Variants in ADCY1 observed in about 807,000 individuals in gnomAD.
ADCY1 encodes adenylate cyclase 1.
A neutral mutation model predicts 105.4 loss-of-function variants in ADCY1; 28 were observed. The observed-to-expected ratio is 0.27, with a 90% CI of 0.20 to 0.36. The LOEUF is 0.36. Among genes scored for constraint, ADCY1 ranks in the 10% least tolerant of loss-of-function variants. The pLI, the probability that ADCY1 is intolerant of heterozygous loss-of-function variation, is 1.00. For missense variants in ADCY1, 977 were observed against 1,434.2 expected, an observed-to-expected ratio of 0.68 and a Z score of 5.15; for synonymous variants, 655 against 623.8, an observed-to-expected ratio of 1.05 and a Z score of -0.75.
In ADCY1 at chr7:45,647,102, G is replaced by T. The variant is rs576051116; in HGVS notation, c.1021-1568G>T. ...AGCGCCCCCTCCTCTGATGCTGGGC[G>T]GTGGCCAGGGCCATCTCTCAAGGTC... On this transcript the variant is annotated intron_variant, in intron 4 of 19. Coordinates refer to ENST00000297323, the MANE Select transcript of ADCY1 (RefSeq NM_021116.4). This position sits in a 1 kb window ranked among gnomAD's most constrained non-coding sequence, Gnocchi z 4.6. 6.6e-6 allele frequency among the ~76,000 whole-genome samples: 1 copy of T among 152,222 alleles called. No homozygotes were observed. The highest frequency in any genetic ancestry group is 2.4e-5 in the African/African-American group (1 of 41,450).
chr7:45,614,994 A>G (rs1793699044), intron 3 of ADCY1, among the ~76,000 whole-genome samples: 1 of 152,228 alleles, frequency 6.6e-6, no homozygotes, highest in Non-Finnish European at 1.5e-5. Flanking sequence ...AAAAGAAAGC[A>G]GAGGATTTTA....
Position 45,624,310 on chromosome 7 carries a change from G to C in ADCY1, c.1020+1567G>C, listed in dbSNP as rs552385076. Among the ~76,000 whole-genome samples the C allele has an allele frequency of 1.1e-3, 166 of 151,276 alleles. 3 individuals carry two copies. In the South Asian group the frequency reaches 0.034, roughly 31 times the overall value. ...GGAGAAAACTTGGGAGCCTGTTGCAGACACCTGGTTAGGGAGAGAGGTTAA... is the reference window on the plus strand; with the variant it reads ...GGAGAAAACTTGGGAGCCTGTTGCACACACCTGGTTAGGGAGAGAGGTTAA... On this transcript the variant is annotated intron_variant, in intron 4 of 19. Coordinates refer to ENST00000297323, the MANE Select transcript of ADCY1 (RefSeq NM_021116.4).
intron 3 of ADCY1, among the ~76,000 whole-genome samples, chr7:45,615,683 T>C (rs1379356205): frequency 1.3e-5 from 2 of 152,042 alleles, no homozygotes; most frequent in Admixed American, 1.3e-4. Context: ...CCCAAACTTA[T>C]GGGATGGAAC....
At chr7:45,614,862 G>C (rs958787544) in intron 3 of ADCY1, among the ~76,000 whole-genome samples, 8 of 152,142 alleles carry the variant, frequency 5.3e-5, no homozygotes, top group Non-Finnish European at 4.4e-5. Flanking sequence ...CAGCATAAAA[G>C]CACCTAAGTA....
chr7:45,654,925 C>T (rs79158086), intron 5 of ADCY1, among the ~76,000 whole-genome samples: 1,884 of 152,124 alleles, frequency 0.012, 42 homozygotes, highest in African/African-American at 0.042. Flanking sequence ...CCACCTGAGG[C>T]TGAAACCATT....
chr7:45,657,683 A>T (rs1343205508), intron 5 of ADCY1, 44 bp from the exon 6 acceptor site: 1 of 1,585,356 alleles, frequency 6.3e-7, no homozygotes, highest in East Asian at 2.3e-5. Context: ...CCCTGGGAGG[A>T]TACAAGGTGG....
intron 5 of ADCY1, among the ~76,000 whole-genome samples, chr7:45,651,205 C>T (rs536240155): frequency 6.6e-6 from 1 of 152,276 alleles, no homozygotes; most frequent in East Asian, 1.9e-4. Context: ...GAAGAAAAGC[C>T]ACCGAAGACT....
At chr7:45,652,690 T>G (rs1166057528) in intron 5 of ADCY1, among the ~76,000 whole-genome samples, 1 of 152,232 alleles carries the variant, frequency 6.6e-6, no homozygotes, top group Non-Finnish European at 1.5e-5. Context: ...TTTTGTCAAA[T>G]GCCTGTGGGC....
At chr7:45,663,401 T>A (rs753241140) in intron 8 of ADCY1, among the ~76,000 whole-genome samples, 1 of 152,194 alleles carries the variant, frequency 6.6e-6, no homozygotes, top group Non-Finnish European at 1.5e-5. Context: ...CAAACTGTCC[T>A]CTTCCTCAGG....
chr7:45,683,860 G>A (rs1784612372), intron 11 of ADCY1, among the ~76,000 whole-genome samples: 1 of 152,222 alleles, frequency 6.6e-6, no homozygotes, highest in African/African-American at 2.4e-5. Flanking sequence ...GCAGGATCTT[G>A]CTCTAAAATC....
rs1294368612 is a variant in ADCY1, at chr7:45,718,014, C to T, written c.*4019C>T. The T allele has an allele frequency of 2.0e-5, 3 of 152,400 alleles. No homozygotes were observed. The highest frequency in any genetic ancestry group is 4.4e-5 in the Non-Finnish European group (3 of 68,082). The allele number at this position is 152,400 out of a possible 1,614,324, so 9.4% of individuals were successfully genotyped here. ...CGGGGAGCTGCCACTCCCAAAGCCT[C>T]CACCCCTTCCTGAAGACCCAGCTAT... On this transcript the variant is annotated 3_prime_UTR_variant, in exon 20 of 20. Transcript: ENST00000297323.
intron 2 of ADCY1, among the ~76,000 whole-genome samples, chr7:45,593,591 C>A (rs569962950): frequency 6.6e-6 from 1 of 152,306 alleles, no homozygotes; most frequent in South Asian, 2.1e-4. Flanking sequence ...CATCTGGGAG[C>A]CCTTGGGATA....
intron 4 of ADCY1, among the ~76,000 whole-genome samples, chr7:45,642,571 A>G (rs1387401978): frequency 6.6e-6 from 1 of 152,022 alleles, no homozygotes; most frequent in South Asian, 2.1e-4. Context: ...GATCTTCAGG[A>G]GACTTAGTAG....
intron 4 of ADCY1, among the ~76,000 whole-genome samples, chr7:45,627,573 T>C (rs1295354337): frequency 5.3e-5 from 8 of 152,202 alleles, no homozygotes. Flanking sequence ...CGATGGATTC[T>C]AGACTCCTTG....
Position 45,708,605 on chromosome 7 carries a change from C to G in ADCY1, c.2932+141C>G, listed in dbSNP as rs868018180. On this transcript the variant is annotated intron_variant, in intron 18 of 19. Transcript: ENST00000297323. This position sits in a 1 kb window ranked among gnomAD's most constrained non-coding sequence, Gnocchi z 4.7. ...CCAGGAGGGCATGGGGACCTGTGTA[C>G]CGAGTTGCCCCTGGAAGCTGCTGGT... 3.8e-5 allele frequency: 24 copies of G among 628,014 alleles called. No individual in the cohort carries two copies. The Middle Eastern group carries it at 1.1e-3, about 30-fold the overall frequency. 38.9% of individuals were successfully genotyped at this position (628,014 alleles called of 1,614,324 possible). A position where few individuals can be genotyped will look rare whatever the true frequency, so the allele number is the denominator to read the frequency against.
chr7:45,584,142 A>G (rs957435998), intron 1 of ADCY1, among the ~76,000 whole-genome samples: 1 of 151,752 alleles, frequency 6.6e-6, no homozygotes, highest in Non-Finnish European at 1.5e-5. Context: ...ATGGAGTGTC[A>G]GTATGTTTCC....
intron 2 of ADCY1, among the ~76,000 whole-genome samples, chr7:45,606,307 T>C (rs543687613): frequency 3.9e-5 from 6 of 152,234 alleles, no homozygotes; most frequent in African/African-American, 1.4e-4. Flanking sequence ...CCTCTCTACT[T>C]GGCCTTTGCT....
intron 8 of ADCY1, among the ~76,000 whole-genome samples, chr7:45,674,837 T>C (rs1034767719): frequency 1.1e-4 from 17 of 152,234 alleles, no homozygotes; most frequent in Non-Finnish European, 1.9e-4. Flanking sequence ...ATATCTACTT[T>C]TTCTGTTATC....
In ADCY1 at chr7:45,717,883, C is replaced by CT. The variant is rs1785388400; in HGVS notation, c.*3889dup. On this transcript the variant is annotated 3_prime_UTR_variant, in exon 20 of 20. Transcript: ENST00000297323. ...AACACCTGTCATAGAAGCAATAACT[C>CT]TAACTCTATACTGTAGAGATGAGTC... 6.5e-6 allele frequency: 1 copy of CT among 152,774 alleles called. No homozygotes were observed. Among genetic ancestry groups the CT allele is most frequent in the African/African-American group, 2.4e-5 (1 of 41,594 alleles). The allele number at this position is 152,774 out of a possible 1,614,324, so 9.5% of individuals were successfully genotyped here.
Sources: allele counts gnomAD v4.1 joint callset (sites outside exome capture counted in the v4.1 genomes callset), GRCh38; gene constraint gnomAD v4.1.1; non-coding constraint Gnocchi (gnomAD v3.1); transcripts MANE v1.5; gene names NCBI Gene and HGNC (gene_info 2026-07-23, HGNC 2026-07-21).